LRRTM4: variants seen among roughly 807,000 people sequenced by gnomAD.
LRRTM4 encodes leucine-rich repeat transmembrane neuronal protein 4.
Under a neutral mutation model 47.6 loss-of-function variants are expected in LRRTM4, and 25 were observed. The observed-to-expected ratio is 0.53, with a 90% CI of 0.38 to 0.73. LRRTM4 has a LOEUF of 0.73. LRRTM4 is among the 30% of genes least tolerant of loss of function. LRRTM4 has a pLI of 0.00. For synonymous variants in LRRTM4, 311 were observed against 269.5 expected, an observed-to-expected ratio of 1.15 and a Z score of -1.51; for missense variants, 638 against 713.4, an observed-to-expected ratio of 0.89 and a Z score of 1.20.
At chr2:76,961,172 C>T (rs1481697805) in intron 3 of LRRTM4, among the ~76,000 whole-genome samples, 3 of 151,190 alleles carry the variant, frequency 2.0e-5, no homozygotes, top group Non-Finnish European at 3.0e-5. Flanking sequence ...AACTATCTAA[C>T]GTTGTAAAAA....
intron 3 of LRRTM4, among the ~76,000 whole-genome samples, chr2:76,922,362 G>A (rs1674458522): frequency 6.6e-6 from 1 of 152,054 alleles, no homozygotes; most frequent in African/African-American, 2.4e-5. Flanking sequence ...CCCTGGCAGA[G>A]CAGGAGAGAG....
chr2:76,780,563 C>T (rs1674316958), intron 3 of LRRTM4, among the ~76,000 whole-genome samples: 1 of 152,122 alleles, frequency 6.6e-6, no homozygotes, highest in South Asian at 2.1e-4. Context: ...GCTCCTGAGG[C>T]TTCTGCATTC....
intron 3 of LRRTM4, among the ~76,000 whole-genome samples, chr2:77,502,250 C>T (rs537367779): frequency 6.6e-6 from 1 of 151,152 alleles, no homozygotes; most frequent in African/African-American, 2.4e-5. Context: ...AATGCATACA[C>T]AATTGTTTTA....
intron 3 of LRRTM4, among the ~76,000 whole-genome samples, chr2:76,814,103 A>G (rs1281146529): frequency 6.6e-6 from 1 of 152,032 alleles, no homozygotes; most frequent in Admixed American, 6.6e-5. Flanking sequence ...CATGCCCTCA[A>G]TTGGGATTTT....
intron 3 of LRRTM4, among the ~76,000 whole-genome samples, chr2:76,820,334 C>G (rs1234271527): frequency 2.0e-5 from 3 of 151,740 alleles, no homozygotes; most frequent in Non-Finnish European, 4.4e-5. Flanking sequence ...GGCTTTCTAA[C>G]TTTCACTACA....
chr2:76,896,112 T>C (rs1217258423), intron 3 of LRRTM4, among the ~76,000 whole-genome samples: 1 of 152,096 alleles, frequency 6.6e-6, no homozygotes, highest in Non-Finnish European at 1.5e-5. Flanking sequence ...AGATGAACCC[T>C]ACAAAATATT....
At chr2:76,932,027 T>C (rs976830850) in intron 3 of LRRTM4, among the ~76,000 whole-genome samples, 1 of 152,156 alleles carries the variant, frequency 6.6e-6, no homozygotes, top group Non-Finnish European at 1.5e-5. Flanking sequence ...ATCCTGAGAA[T>C]TGATGACTTC....
chr2:76,913,899 G>A (rs1352615994), intron 3 of LRRTM4, among the ~76,000 whole-genome samples: 4 of 152,032 alleles, frequency 2.6e-5, no homozygotes, highest in African/African-American at 4.8e-5. Context: ...AATAATCATA[G>A]TGATAGGAAA....
chr2:76,984,737 C>G (rs906308475), intron 3 of LRRTM4, among the ~76,000 whole-genome samples: 1 of 151,968 alleles, frequency 6.6e-6, no homozygotes, highest in Non-Finnish European at 1.5e-5. Context: ...CTGCTATTTT[C>G]AAGATTCTTT....
intron 3 of LRRTM4, among the ~76,000 whole-genome samples, chr2:76,794,955 G>T (rs1295355510): frequency 6.6e-6 from 1 of 152,098 alleles, no homozygotes; most frequent in Non-Finnish European, 1.5e-5. Context: ...ACTGATAGAA[G>T]AATATCTTAA....
chr2:77,115,681 C>T (rs756592489), intron 3 of LRRTM4, among the ~76,000 whole-genome samples: 6 of 152,086 alleles, frequency 3.9e-5, no homozygotes, highest in Non-Finnish European at 5.9e-5. Flanking sequence ...TGGAAAATTT[C>T]GCCTGTTGAA....
chr2:77,366,241 C>T (rs928101226), intron 3 of LRRTM4, among the ~76,000 whole-genome samples: 1 of 151,812 alleles, frequency 6.6e-6, no homozygotes, highest in South Asian at 2.1e-4. Context: ...ATCTAATGGT[C>T]ATTTGACAAT....
intron 3 of LRRTM4, among the ~76,000 whole-genome samples, chr2:76,965,590 T>C (rs1259809767): frequency 6.6e-6 from 1 of 151,270 alleles, no homozygotes; most frequent in Admixed American, 6.6e-5. Context: ...ACTCTTATAA[T>C]TATTATTGTT....
At chr2:77,365,028 A>G (rs1672388076) in intron 3 of LRRTM4, among the ~76,000 whole-genome samples, 1 of 152,024 alleles carries the variant, frequency 6.6e-6, no homozygotes, top group Non-Finnish European at 1.5e-5. Context: ...ACCTCTACAT[A>G]CTAAATTTTC....
At chr2:77,407,211 AT>A (rs1674228618) in intron 3 of LRRTM4, among the ~76,000 whole-genome samples, 2 of 152,154 alleles carry the variant, frequency 1.3e-5, no homozygotes, top group Non-Finnish European at 2.9e-5. Flanking sequence ...CCATGTGCTC[AT>A]TTGAAAACAA....
At chr2:76,867,389 A>G (rs1672497701) in intron 3 of LRRTM4, among the ~76,000 whole-genome samples, 1 of 152,216 alleles carries the variant, frequency 6.6e-6, no homozygotes, top group African/African-American at 2.4e-5. Flanking sequence ...ATTGGACACA[A>G]ATGAGTTCAG....
chr2:76,755,516 A>ATT, intron 3 of LRRTM4, among the ~76,000 whole-genome samples: 1 of 152,152 alleles, frequency 6.6e-6, no homozygotes, highest in African/African-American at 2.4e-5. Context: ...CTTCTGCAAG[A>ATT]CAGAGAGGAC....
intron 3 of LRRTM4, among the ~76,000 whole-genome samples, chr2:77,184,519 GT>G (rs1673445070): frequency 6.6e-6 from 1 of 152,062 alleles, no homozygotes; most frequent in Non-Finnish European, 1.5e-5. Flanking sequence ...TGGAATTATT[GT>G]TCCTGCCCTG....
intron 3 of LRRTM4, among the ~76,000 whole-genome samples, chr2:77,505,098 T>G (rs1263430027): frequency 1.3e-5 from 2 of 151,236 alleles, no homozygotes; most frequent in South Asian, 2.1e-4. Flanking sequence ...ATTTAAGAGA[T>G]AATTATAAAT....
Sources: allele counts gnomAD v4.1 joint callset (sites outside exome capture counted in the v4.1 genomes callset), GRCh38; gene constraint gnomAD v4.1.1; transcripts MANE v1.5; gene names NCBI Gene and HGNC (gene_info 2026-07-23, HGNC 2026-07-21).